The following SDK2 variants were observed in gnomAD, a reference collection of about 807,000 sequenced individuals.
SDK2 encodes the protein protein sidekick-2.
Under a neutral mutation model 253.9 loss-of-function variants are expected in SDK2, and 105 were observed. That is an observed-to-expected ratio of 0.41 (90% confidence interval 0.35 to 0.49). The LOEUF is 0.49. Among genes scored for constraint, SDK2 ranks in the 20% least tolerant of loss-of-function variants. The probability of loss-of-function intolerance (pLI) is 0.06; values close to 1 mark genes in which losing one functional copy is unlikely to be tolerated. For missense variants in SDK2, 2,608 were observed against 3,003.0 expected (o/e 0.87, Z 3.07); for synonymous variants, 1,249 against 1,234.9 (o/e 1.01, Z -0.24).
intron 2 of SDK2, among the ~76,000 whole-genome samples, chr17:73,490,708 A>G (rs1198877895): frequency 2.6e-5 from 4 of 151,468 alleles, no homozygotes; most frequent in Admixed American, 6.6e-5. Flanking sequence ...ATTATGTTTT[A>G]AGAGACAGGG....
rs1294965094 is a variant in SDK2 at position 73,350,695 on chromosome 17, T to C, written c.5854A>G (p.Ile1952Val). ...TACTTCTTGCTCTGGCCCCGGATGATGAGCACGAAGACCAGAAGCAGGATG... is the reference window on the plus strand; with the variant it reads ...TACTTCTTGCTCTGGCCCCGGATGACGAGCACGAAGACCAGAAGCAGGATG... Reference protein sequence around the residue: ...IFILLLVFVLIIRGQSKKYAK... With the variant: ...IFILLLVFVLVIRGQSKKYAK... The change falls in exon 42 of 45, where the codon ATC becomes GTC. Residue 1952 changes from isoleucine (I) to valine (V), a missense_variant. By Grantham distance (29) the Ile-to-Val change is conservative (BLOSUM62 3). Transcript: ENST00000392650. 1.2e-6 allele frequency: 2 copies of C among 1,613,548 alleles called. No individual in the cohort carries two copies. Among genetic ancestry groups the C allele is most frequent in the Non-Finnish European group, 1.7e-6 (2 of 1,179,796 alleles).
chr17:73,352,430 CT>C lies in SDK2; in HGVS notation c.5758+42del. The C allele has an allele frequency of 6.3e-7, 1 of 1,581,268 alleles. No homozygotes were observed. Among genetic ancestry groups the C allele is most frequent in the Non-Finnish European group, 8.6e-7 (1 of 1,163,280 alleles). ...CCTGCCCAGTGTCAGCCCCCAGGCTCTGCTGTGGGGCTCCCCCACTCCCTCA... is the reference window on the plus strand; with the variant it reads ...CCTGCCCAGTGTCAGCCCCCAGGCTCGCTGTGGGGCTCCCCCACTCCCTCA... On this transcript the variant is annotated intron_variant, in intron 41 of 44. Transcript: ENST00000392650. This position sits in a 1 kb window ranked among gnomAD's most constrained non-coding sequence, Gnocchi z 4.1.
At chr17:73,404,638 T>C (rs2063055985) in intron 18 of SDK2, among the ~76,000 whole-genome samples, 1 of 152,192 alleles carries the variant, frequency 6.6e-6, no homozygotes, top group Admixed American at 6.5e-5. Flanking sequence ...GACCTCTGTC[T>C]CTCAAAGGTA....
intron 1 of SDK2, among the ~76,000 whole-genome samples, chr17:73,554,877 T>C (rs2045119481): frequency 6.6e-6 from 1 of 152,198 alleles, no homozygotes; most frequent in Non-Finnish European, 1.5e-5. Flanking sequence ...TACAAACCCA[T>C]ATTTGGGTTT....
chr17:73,401,781 C>T (rs771628255), intron 19 of SDK2, 29 bp from the exon 20 acceptor site: 3 of 1,547,220 alleles, frequency 1.9e-6, no homozygotes, highest in Non-Finnish European at 1.8e-6. Context: ...CCCCACCCCC[C>T]AAGGCCAGTT....
chr17:73,573,172 G>T (rs979092156), intron 1 of SDK2, among the ~76,000 whole-genome samples: 4 of 152,190 alleles, frequency 2.6e-5, no homozygotes, highest in African/African-American at 9.7e-5. Flanking sequence ...CAATGTCTGA[G>T]CAAAACTCTG....
chr17:73,433,535 CACCTCA>C (rs2063343593), intron 10 of SDK2, among the ~76,000 whole-genome samples, 191 bp downstream of exon 10: 4 of 152,038 alleles, frequency 2.6e-5, no homozygotes, highest in African/African-American at 9.7e-5. Flanking sequence ...GTGATCTGCC[CACCTCA>C]ACCTCCCAAG....
Position 73,352,465 on chromosome 17 carries a change from G to C in SDK2, c.5758+8C>G. ...GCTCCCCCACTCCCTCAGCCCCCAG[G>C]CCGGTACCTGGCACAGACTGGGAGG... On this transcript the variant is annotated splice_region_variant and intron_variant, in intron 41 of 44. Coordinates refer to ENST00000392650, the MANE Select transcript of SDK2 (RefSeq NM_001144952.2). The surrounding 1 kb of genome is among the most constrained non-coding windows in gnomAD (Gnocchi z 4.1). 1 of 1,609,508 alleles carries C rather than the reference G, an allele frequency of 6.2e-7. No individual in the cohort carries two copies. Among genetic ancestry groups the C allele is most frequent in the South Asian group, 1.1e-5 (1 of 90,236 alleles).
intron 29 of SDK2, among the ~76,000 whole-genome samples, chr17:73,389,859 C>T (rs1406545765): frequency 6.6e-6 from 1 of 152,224 alleles, no homozygotes; most frequent in Non-Finnish European, 1.5e-5. Flanking sequence ...AAGTGATTCT[C>T]GTGTCTCAGC....
At chr17:73,523,776 C>A (rs1887818081) in intron 1 of SDK2, among the ~76,000 whole-genome samples, 2 of 151,084 alleles carry the variant, frequency 1.3e-5, no homozygotes, top group South Asian at 4.3e-4. Context: ...CACCTGCACC[C>A]CCCAAATAAC....
intron 1 of SDK2, among the ~76,000 whole-genome samples, chr17:73,550,869 G>A (rs9915152): frequency 0.063 from 9,539 of 152,164 alleles, 384 homozygotes; most frequent in African/African-American, 0.11. Flanking sequence ...CGAGTCACCC[G>A]TCCACAGGGA....
At chr17:73,358,265 A>T (rs2062610036) in intron 39 of SDK2, 61 bp from the exon 40 acceptor site, 9 of 1,542,286 alleles carry the variant, frequency 5.8e-6, no homozygotes, top group Non-Finnish European at 7.8e-6. Flanking sequence ...CCAGCCCGTC[A>T]CCCTGGGCTC....
chr17:73,392,306 G>A (rs1476569026), intron 27 of SDK2, among the ~76,000 whole-genome samples: 1 of 150,482 alleles, frequency 6.6e-6, no homozygotes, highest in Admixed American at 6.6e-5. Context: ...GTCTCGCTCT[G>A]TTGCCCAGGC....
chr17:73,377,672 G>C (rs184773519), intron 36 of SDK2, among the ~76,000 whole-genome samples: 1 of 148,148 alleles, frequency 6.8e-6, no homozygotes, highest in African/African-American at 2.5e-5. Context: ...GAGTGCAATG[G>C]TGCAATCTCG....
At chr17:73,479,211 C>T (rs1224312704) in intron 2 of SDK2, among the ~76,000 whole-genome samples, 1 of 152,252 alleles carries the variant, frequency 6.6e-6, no homozygotes, top group Non-Finnish European at 1.5e-5. Flanking sequence ...CCCCAGATGT[C>T]TGAGGCCAAC....
chr17:73,422,143 T>C lies in SDK2; in HGVS notation c.2045+144A>G, dbSNP rs8064874. 6.8e-3 allele frequency: 5,822 copies of C among 861,446 alleles called. 229 individuals are homozygous for C. In the African/African-American group the frequency reaches 0.085, roughly 13 times the overall value. The allele number at this position is 861,446 out of a possible 1,614,324, so 53.4% of individuals were successfully genotyped here. A position where few individuals can be genotyped will look rare whatever the true frequency, so the allele number is the denominator to read the frequency against. The stretch of plus-strand genomic sequence containing the variant: ...TTGCAACATCCTGGTGAGGCACTCA[T>C]CAGGATTGCTCTCCCCTTCTACAGA... On this transcript the variant is annotated intron_variant, in intron 15 of 44. Transcript: ENST00000392650.
intron 21 of SDK2, among the ~76,000 whole-genome samples, chr17:73,400,562 C>T (rs1044576089): frequency 9.9e-5 from 15 of 152,216 alleles, no homozygotes; most frequent in East Asian, 1.9e-4. Context: ...CCAGGGATTC[C>T]GCCTGCTCTG....
intron 2 of SDK2, among the ~76,000 whole-genome samples, chr17:73,503,050 C>T (rs2063902386): frequency 6.6e-6 from 1 of 152,148 alleles, no homozygotes; most frequent in South Asian, 2.1e-4. Flanking sequence ...GACAAACCCA[C>T]ATTGAGGGAA....
chr17:73,476,619 A>AT (rs994426004), intron 2 of SDK2, among the ~76,000 whole-genome samples: 21 of 151,870 alleles, frequency 1.4e-4, no homozygotes, highest in South Asian at 6.2e-4. Flanking sequence ...TTTCTTTTTC[A>AT]TTTTTTTTAT....
Sources: allele counts gnomAD v4.1 joint callset (sites outside exome capture counted in the v4.1 genomes callset), GRCh38; gene constraint gnomAD v4.1.1; non-coding constraint Gnocchi (gnomAD v3.1); transcripts MANE v1.5; gene names NCBI Gene and HGNC (gene_info 2026-07-23, HGNC 2026-07-21).